Variants in MARCHF1 observed in about 807,000 individuals in gnomAD.
MARCHF1 encodes membrane associated ring-CH-type finger 1.
Under a neutral mutation model 54.2 loss-of-function variants are expected in MARCHF1, and 40 were observed. The observed-to-expected ratio is 0.74, with a 90% CI of 0.57 to 0.96. The LOEUF is 0.96. Ranked by LOEUF, MARCHF1 falls within the 40% of genes least tolerant of loss-of-function variation. MARCHF1 has a pLI of 0.00. For missense variants in MARCHF1, 586 were observed against 656.5 expected (o/e 0.89, Z 1.17); for synonymous variants, 236 against 236.3 (o/e 1.00, Z 0.01).
At chr4:164,229,586 C>T (rs909471364) in intron 1 of MARCHF1, among the ~76,000 whole-genome samples, 1 of 152,104 alleles carries the variant, frequency 6.6e-6, no homozygotes, top group African/African-American at 2.4e-5. Flanking sequence ...TCCCACATAG[C>T]TATAAAGAAA....
chr4:164,196,866 T>A (rs902153593), intron 1 of MARCHF1: 3 of 1,020,028 alleles, frequency 2.9e-6, no homozygotes, highest in Non-Finnish European at 4.4e-6. Context: ...CACAGCAATG[T>A]TACAATCAGA....
At chr4:163,756,575 T>G (rs1746674911) in intron 4 of MARCHF1, among the ~76,000 whole-genome samples, 1 of 134,382 alleles carries the variant, frequency 7.4e-6, no homozygotes, top group Non-Finnish European at 1.5e-5. Flanking sequence ...GAGGTTGCAG[T>G]GAGCCGAGAT....
In MARCHF1 at chr4:163,824,958, T is replaced by A. The variant is rs1224234259; in HGVS notation, c.111+29063A>T. ...ACAATGAGATACCATCTCACACCAGTTAGAATGGCAATCATTCAAAAGTCA... is the reference window on the plus strand; with the variant it reads ...ACAATGAGATACCATCTCACACCAGATAGAATGGCAATCATTCAAAAGTCA... On this transcript the variant is annotated intron_variant, in intron 4 of 9. Coordinates refer to ENST00000514618, the MANE Select transcript of MARCHF1 (RefSeq NM_001394959.1). Among the ~76,000 whole-genome samples, 10 of 149,846 alleles carry A rather than the reference T, an allele frequency of 6.7e-5. No individual in the cohort carries two copies. In the Admixed American group the frequency reaches 6.7e-4, roughly 10 times the overall value.
intron 3 of MARCHF1, among the ~76,000 whole-genome samples, chr4:163,944,132 A>ATTTTTTTT (rs1560830106): frequency 3.4e-5 from 2 of 58,748 alleles, no homozygotes; most frequent in African/African-American, 5.6e-5. Context: ...GCACCGGGCT[A>ATTTTTTTT]ATTTTTTTTT....
At chr4:164,082,302 A>G (rs1000815713) in intron 2 of MARCHF1, among the ~76,000 whole-genome samples, 22 of 152,252 alleles carry the variant, frequency 1.4e-4, no homozygotes, top group African/African-American at 5.3e-4. Flanking sequence ...CAAGAACACT[A>G]GGGACAGATG....
chr4:164,159,971 T>C (rs762019460), intron 1 of MARCHF1, among the ~76,000 whole-genome samples: 18 of 152,154 alleles, frequency 1.2e-4, no homozygotes, highest in Non-Finnish European at 2.4e-4. Flanking sequence ...CCACCACTTA[T>C]GCCTTTTAAC....
At chr4:164,332,895 T>C (rs9685718) in intron 1 of MARCHF1, among the ~76,000 whole-genome samples, 13 of 152,092 alleles carry the variant, frequency 8.5e-5, no homozygotes, top group Non-Finnish European at 1.3e-4. Flanking sequence ...GTATATAGTA[T>C]AGTATAATGA....
At chr4:164,062,849 T>C (rs1488019408) in intron 2 of MARCHF1, among the ~76,000 whole-genome samples, 5 of 152,184 alleles carry the variant, frequency 3.3e-5, no homozygotes, top group African/African-American at 9.7e-5. Context: ...TAATAATACC[T>C]GAAAGTAAAA....
chr4:163,868,628 A>G (rs1319511646), intron 3 of MARCHF1, among the ~76,000 whole-genome samples: 1 of 152,010 alleles, frequency 6.6e-6, no homozygotes, highest in Non-Finnish European at 1.5e-5. Context: ...TGTACTTTGG[A>G]GCCGATCCCA....
chr4:163,804,543 A>T (rs752907183), intron 4 of MARCHF1, among the ~76,000 whole-genome samples: 3 of 152,176 alleles, frequency 2.0e-5, no homozygotes, highest in Non-Finnish European at 4.4e-5. Context: ...CTGGAAGAAG[A>T]CTCAGTGGTC....
intron 9 of MARCHF1, among the ~76,000 whole-genome samples, chr4:163,538,338 TTCACA>T (rs1035841481): frequency 1.3e-5 from 2 of 151,914 alleles, no homozygotes; most frequent in African/African-American, 4.8e-5. Flanking sequence ...ATTTTTTTTT[TTCACA>T]CACACACACA....
intron 1 of MARCHF1, among the ~76,000 whole-genome samples, chr4:164,293,530 C>T (rs533988306): frequency 1.1e-4 from 17 of 152,220 alleles, no homozygotes; most frequent in Non-Finnish European, 2.2e-4. Flanking sequence ...CATTCTTGCT[C>T]AAATAAACTC....
At chr4:163,790,353 T>C (rs753364647) in intron 4 of MARCHF1, among the ~76,000 whole-genome samples, 3 of 152,064 alleles carry the variant, frequency 2.0e-5, no homozygotes, top group Non-Finnish European at 4.4e-5. Context: ...AATTACTCAA[T>C]TACGTGGACA....
intron 4 of MARCHF1, among the ~76,000 whole-genome samples, chr4:163,765,829 T>C (rs1746958999): frequency 1.4e-5 from 2 of 147,960 alleles, no homozygotes; most frequent in African/African-American, 4.9e-5. Flanking sequence ...TATATAGATA[T>C]AGATATAGAT....
At chr4:163,820,287 T>C (rs1285481104) in intron 4 of MARCHF1, among the ~76,000 whole-genome samples, 2 of 152,052 alleles carry the variant, frequency 1.3e-5, no homozygotes, top group African/African-American at 4.8e-5. Context: ...TTTGAAGTAA[T>C]CTCTTTTATA....
chr4:163,612,621 T>C lies in MARCHF1; in HGVS notation c.660A>G (p.Gln220=), dbSNP rs1433821455. The C allele has an allele frequency of 1.3e-6, 2 of 1,535,566 alleles. No homozygotes were observed. Among genetic ancestry groups the C allele is most frequent in the East Asian group, 4.9e-5 (2 of 40,894 alleles). Residue 220 remains glutamine, a synonymous_variant, in exon 7 of 10, where the codon CAA becomes CAG. Coordinates refer to ENST00000514618, the MANE Select transcript of MARCHF1 (RefSeq NM_001394959.1). ...AGCAACTCTCACATTCAATCAGCTCTTGTTGCTCTTTACCTTTGGATCCCA... is the reference window on the plus strand; with the variant it reads ...AGCAACTCTCACATTCAATCAGCTCCTGTTGCTCTTTACCTTTGGATCCCA... ...VDLGSKGKEQ[Q]ELIECESCSL... is the part of the protein sequence containing the mutation.
At chr4:163,744,940 C>A (rs1355615915) in intron 4 of MARCHF1, among the ~76,000 whole-genome samples, 1 of 151,862 alleles carries the variant, frequency 6.6e-6, no homozygotes, top group Admixed American at 6.6e-5. Flanking sequence ...ACTAAATAGG[C>A]CTAAAAATTA....
intron 3 of MARCHF1, among the ~76,000 whole-genome samples, chr4:163,936,078 G>A (rs1395120661): frequency 6.6e-6 from 1 of 152,116 alleles, no homozygotes; most frequent in Non-Finnish European, 1.5e-5. Flanking sequence ...AGAATAGGAA[G>A]GTCCGAGGAC....
At chr4:164,172,391 CT>C (rs1226359172) in intron 1 of MARCHF1, among the ~76,000 whole-genome samples, 1 of 152,048 alleles carries the variant, frequency 6.6e-6, no homozygotes, top group East Asian at 1.9e-4. Context: ...ATCTTACCTT[CT>C]TTGTTCTAAG....
Sources: allele counts gnomAD v4.1 joint callset (sites outside exome capture counted in the v4.1 genomes callset), GRCh38; gene constraint gnomAD v4.1.1; transcripts MANE v1.5; gene names NCBI Gene and HGNC (gene_info 2026-07-23, HGNC 2026-07-21).